Variants in IL1RAPL1 observed in about 807,000 individuals in gnomAD.
The protein encoded by IL1RAPL1 is interleukin 1 receptor accessory protein like 1.
IL1RAPL1 carries 3 observed loss-of-function variants against 48.4 expected under a neutral mutation model. The ratio of observed to expected loss-of-function variants is 0.06; its 90% CI spans 0.03 to 0.16. The LOEUF is 0.16. IL1RAPL1 is among the 10% of genes least tolerant of loss of function. The pLI is 1.00. For missense variants in IL1RAPL1, 349 were observed against 530.6 expected (o/e 0.66, Z 3.36); for synonymous variants, 185 against 187.7 (o/e 0.99, Z 0.12).
At chrX:28,742,378 G>T (rs1047404103) in intron 1 of IL1RAPL1, among the ~76,000 whole-genome samples, 2 of 111,590 alleles carry the variant, frequency 1.8e-5, no homozygotes, top group African/African-American at 6.5e-5. Flanking sequence ...AATGGATTTT[G>T]AGTACCTGCA....
At chrX:28,806,477 AC>A (rs1289957897) in intron 2 of IL1RAPL1, among the ~76,000 whole-genome samples, 1 of 111,223 alleles carries the variant, frequency 9.0e-6, no homozygotes, top group Admixed American at 9.6e-5. Context: ...ACACAAAAGG[AC>A]TCCTGCATGG....
chrX:29,328,561 A>G (rs1370071152), intron 3 of IL1RAPL1, among the ~76,000 whole-genome samples: 2 of 110,220 alleles, frequency 1.8e-5, no homozygotes, highest in Admixed American at 2.0e-4. Context: ...GTAATATAAC[A>G]GGTAACAACT....
intron 2 of IL1RAPL1, among the ~76,000 whole-genome samples, chrX:28,862,004 T>C (rs185279690): frequency 2.7e-4 from 30 of 110,876 alleles, no homozygotes; most frequent in Admixed American, 7.7e-4. Flanking sequence ...TAACGAGGAG[T>C]TTTTTTAAAG....
intron 2 of IL1RAPL1, among the ~76,000 whole-genome samples, chrX:29,253,263 A>G (rs1295667222): frequency 1.8e-5 from 2 of 111,241 alleles, no homozygotes; most frequent in Non-Finnish European, 3.8e-5. Context: ...TGAGATTTAA[A>G]CAATTTTCTG....
chrX:29,305,371 A>T (rs990598279), intron 3 of IL1RAPL1, among the ~76,000 whole-genome samples: 1 of 112,061 alleles, frequency 8.9e-6, no homozygotes, highest in African/African-American at 3.2e-5. Flanking sequence ...AATCTGGCCT[A>T]TCCTGATGAA....
At chrX:29,840,524 AT>A (rs990554486) in intron 6 of IL1RAPL1, among the ~76,000 whole-genome samples, 1 of 112,324 alleles carries the variant, frequency 8.9e-6, no homozygotes, top group African/African-American at 3.2e-5. Context: ...GAAATAAAAA[AT>A]ATATTTCACC....
chrX:29,589,546 AG>A (rs1481244108), intron 5 of IL1RAPL1, among the ~76,000 whole-genome samples: 1 of 111,925 alleles, frequency 8.9e-6, no homozygotes, highest in African/African-American at 3.2e-5. Flanking sequence ...CTGAGATTGA[AG>A]GAACAGAATG....
At chrX:29,769,787 T>C (rs188985189) in intron 6 of IL1RAPL1, among the ~76,000 whole-genome samples, 2 of 108,238 alleles carry the variant, frequency 1.8e-5, no homozygotes, top group East Asian at 5.8e-4. Context: ...CAGCTAATTT[T>C]TGTATTTTTA....
chrX:29,221,610 TACACACACATACAC>T lies in IL1RAPL1; in HGVS notation c.83-61318_83-61305del, dbSNP rs1322513255. Among the ~76,000 whole-genome samples, 361 of 61,820 alleles carry T rather than the reference TACACACACATACAC, an allele frequency of 5.8e-3. 1 individual carries two copies. The highest frequency in any genetic ancestry group is 9.4e-3 in the Non-Finnish European group (303 of 32,374). The allele number at this position is 61,820 out of a possible 115,157, so 53.7% of individuals were successfully genotyped here. A position where few individuals can be genotyped will look rare whatever the true frequency, so the allele number is the denominator to read the frequency against. Reference sequence around the variant, plus strand: ...GTCATTATGCCAAAGGAGCAATGTATACACACACATACACACACACACACACACACACACACACA... The same window carrying T: ...GTCATTATGCCAAAGGAGCAATGTATACACACACACACACACACACACACA... On this transcript the variant is annotated intron_variant, in intron 2 of 10. Transcript: ENST00000378993.
chrX:29,705,126 A>G (rs1184870723), intron 6 of IL1RAPL1, among the ~76,000 whole-genome samples: 1 of 112,180 alleles, frequency 8.9e-6, no homozygotes, highest in African/African-American at 3.2e-5. Flanking sequence ...ACCAATATTT[A>G]AAAACCCAAC....
intron 3 of IL1RAPL1, among the ~76,000 whole-genome samples, chrX:29,299,973 C>T (rs1472671851): frequency 9.0e-6 from 1 of 111,261 alleles, no homozygotes; most frequent in Non-Finnish European, 1.9e-5. Flanking sequence ...TTAAAAGAGC[C>T]TGGCACATCC....
At chrX:28,947,333 C>T (rs761833975) in intron 2 of IL1RAPL1, among the ~76,000 whole-genome samples, 5 of 111,646 alleles carry the variant, frequency 4.5e-5, no homozygotes, top group African/African-American at 1.6e-4. Flanking sequence ...TCACTACATA[C>T]CAAAGGATAT....
At chrX:29,228,306 C>T (rs867227560) in intron 2 of IL1RAPL1, among the ~76,000 whole-genome samples, 1 of 95,054 alleles carries the variant, frequency 1.1e-5, no homozygotes, top group Non-Finnish European at 2.1e-5. Context: ...ATATGCATCC[C>T]TAAACACTGT....
Position 29,483,021 on chromosome X carries a change from C to A in IL1RAPL1, c.703+83713C>A, listed in dbSNP as rs1935057610. Among the ~76,000 whole-genome samples the A allele has an allele frequency of 2.7e-5, 3 of 111,985 alleles. No individual in the cohort carries two copies. In the South Asian group the frequency reaches 1.1e-3, roughly 41 times the overall value. ...GATGCCAAAGTTAAAAAGATCAGTT[C>A]CTTTATTCAACTCCAGTGAACATCC... On this transcript the variant is annotated intron_variant, in intron 5 of 10. Coordinates refer to ENST00000378993, the MANE Select transcript of IL1RAPL1 (RefSeq NM_014271.4).
intron 1 of IL1RAPL1, among the ~76,000 whole-genome samples, chrX:28,734,471 G>C (rs946297510): frequency 1.8e-5 from 2 of 110,008 alleles, no homozygotes; most frequent in Non-Finnish European, 3.8e-5. Context: ...TGCATTTGCT[G>C]TTCCCTCTGC....
chrX:28,654,918 T>A (rs1934732545), intron 1 of IL1RAPL1, among the ~76,000 whole-genome samples: 1 of 111,677 alleles, frequency 9.0e-6, no homozygotes, highest in East Asian at 2.8e-4. Flanking sequence ...GGGAGAAATA[T>A]TTTTCAAAAT....
chrX:29,319,160 G>GTCTGCCTGCCTGTCTATCTATCTATCTA (rs370282992), intron 3 of IL1RAPL1, among the ~76,000 whole-genome samples: 1 of 84,988 alleles, frequency 1.2e-5, no homozygotes, highest in Admixed American at 1.5e-4. Context: ...CTATCTGTCT[G>GTCTGCCTGCCTGTCTATCTATCTATCTA]TCTATCTATC....
intron 5 of IL1RAPL1, among the ~76,000 whole-genome samples, chrX:29,442,528 A>G (rs1467582737): frequency 8.1e-5 from 9 of 111,757 alleles, no homozygotes; most frequent in Non-Finnish European, 1.9e-5. Flanking sequence ...AAACAAAAAC[A>G]CACAAAGTTT....
chrX:29,458,510 A>G lies in IL1RAPL1; in HGVS notation c.703+59202A>G, dbSNP rs187698138. Among the ~76,000 whole-genome samples the G allele has an allele frequency of 5.0e-4, 56 of 111,868 alleles. No individual in the cohort carries two copies. The Admixed American group carries it at 5.0e-3, about 10-fold the overall frequency. On this transcript the variant is annotated intron_variant, in intron 5 of 10. Transcript: ENST00000378993. ...CACTGTTCAGATGGGTCCTTGGACT[A>G]TGTCAAATCACATTGAAGTAAACAG...
Sources: allele counts gnomAD v4.1 joint callset (sites outside exome capture counted in the v4.1 genomes callset), GRCh38; gene constraint gnomAD v4.1.1; transcripts MANE v1.5; gene names NCBI Gene and HGNC (gene_info 2026-07-23, HGNC 2026-07-21).